Variants in RTN4 observed in about 807,000 individuals in gnomAD.
RTN4 encodes the protein reticulon-4.
In RTN4, 32 loss-of-function variants were observed where a neutral mutation model predicts 90.4. The observed-to-expected ratio is 0.35, with a 90% CI of 0.27 to 0.48. RTN4 has a LOEUF of 0.48. Ranked by LOEUF, RTN4 falls within the 20% of genes least tolerant of loss-of-function variation. The pLI, the probability that RTN4 is intolerant of heterozygous loss-of-function variation, is 0.99. For missense variants in RTN4, 1,706 were observed against 1,430.2 expected (o/e 1.19, Z -3.11); for synonymous variants, 629 against 552.5 (o/e 1.14, Z -1.94).
In RTN4 at chr2:55,025,722, G is replaced by T; in HGVS notation, c.2377C>A (p.Pro793Thr). ...ENKEKLSALP[P>T]EGGKPYLESF... ...TCCAAATATGGCTTTCCTCCCTCAG[G>T]TGGCAAAGCACTGAGTTTTTCCTTA... Residue 793 changes from proline to threonine, a missense_variant, in exon 3 of 9, where the codon CCT (proline) becomes ACT (threonine). Coordinates refer to ENST00000337526, the MANE Select transcript of RTN4 (RefSeq NM_020532.5). The T allele has an allele frequency of 6.2e-7, 1 of 1,613,708 alleles. No individual in the cohort carries two copies. Among genetic ancestry groups the T allele is most frequent in the Non-Finnish European group, 8.5e-7 (1 of 1,179,810 alleles).
rs761099606 is a variant in RTN4 at position 55,025,268 on chromosome 2, G to A, written c.2831C>T (p.Ala944Val). ...AGGCAATAAGAGCACCTTTGATGTAGCAGACCCATTTTTAGAAAAGTCATC... is the reference window on the plus strand; with the variant it reads ...AGGCAATAAGAGCACCTTTGATGTAACAGACCCATTTTTAGAAAAGTCATC... Reference protein sequence around the residue: ...FSDDFSKNGSATSKVLLLPPD... With the variant: ...FSDDFSKNGSVTSKVLLLPPD... Residue 944 changes from alanine (A) to valine (V), a missense_variant, in exon 3 of 9, where the codon GCT becomes GTT. Physicochemically the swap from Ala to Val is moderately conservative, Grantham distance 64. Coordinates refer to ENST00000337526, the MANE Select transcript of RTN4 (RefSeq NM_020532.5). 8.1e-6 allele frequency: 13 copies of A among 1,613,890 alleles called. No homozygotes were observed. The highest frequency in any genetic ancestry group is 4.5e-5 in the East Asian group (2 of 44,874).
At chr2:55,031,279 C>A (rs1243845232) in intron 1 of RTN4, among the ~76,000 whole-genome samples, 1 of 152,166 alleles carries the variant, frequency 6.6e-6, no homozygotes, top group African/African-American at 2.4e-5. Flanking sequence ...GGGAAACCTG[C>A]AAGATGACTA....
At chr2:55,127,830 G>A in the RTN4 span, among the ~76,000 whole-genome samples, 1 of 152,030 alleles carries the variant, frequency 6.6e-6, no homozygotes, top group Non-Finnish European at 1.5e-5. Flanking sequence ...CTAGCATGGT[G>A]CATTACAAAT....
At chr2:55,035,119 C>G (rs1223677915) in intron 1 of RTN4, among the ~76,000 whole-genome samples, 3 of 152,112 alleles carry the variant, frequency 2.0e-5, no homozygotes, top group African/African-American at 7.2e-5. Context: ...AAAACAAAGA[C>G]ACACAACCAC....
chr2:55,124,505 C>T, the RTN4 span, among the ~76,000 whole-genome samples: 13 of 152,160 alleles, frequency 8.5e-5, no homozygotes, highest in African/African-American at 2.9e-4. Flanking sequence ...TACAGCTAAC[C>T]AGGGAGGTGA....
At chr2:55,020,524 T>C (rs1194183831) in intron 3 of RTN4, among the ~76,000 whole-genome samples, 3 of 152,116 alleles carry the variant, frequency 2.0e-5, no homozygotes, top group Admixed American at 1.3e-4. Flanking sequence ...ATAGTAAGAA[T>C]ATAGTTTGTC....
At chr2:55,114,884 A>T (rs569250631), upstream of RTN4, among the ~76,000 whole-genome samples, 13 of 152,056 alleles carry the variant, frequency 8.5e-5, no homozygotes, top group Non-Finnish European at 1.5e-4. Context: ...TCCCAGGTTC[A>T]CTAGAGGGTG....
Position 54,973,664 on chromosome 2 carries a change from T to A in RTN4, c.3478-43A>T, listed in dbSNP as rs2255112. On this transcript the variant is annotated intron_variant, in intron 7 of 8. Transcript: ENST00000337526. ...AGGAATTATTACCGTTGCTAAAGAA[T>A]CTTATTAACCACTACTATGTGTCAA... 1.1e-5 allele frequency: 17 copies of A among 1,543,878 alleles called. No individual in the cohort carries two copies. The South Asian group carries it at 1.8e-4, about 16-fold the overall frequency.
intron 1 of RTN4, among the ~76,000 whole-genome samples, chr2:55,103,155 A>G (rs552677153): frequency 3.9e-5 from 6 of 152,016 alleles, no homozygotes; most frequent in Non-Finnish European, 7.3e-5. Flanking sequence ...TTTATAAAAC[A>G]TTTAAAGAAA....
At chr2:55,035,637 T>C (rs1682624422) in intron 1 of RTN4, among the ~76,000 whole-genome samples, 1 of 148,638 alleles carries the variant, frequency 6.7e-6, no homozygotes, top group African/African-American at 2.5e-5. Context: ...AAAAAAAAAA[T>C]CAATGAAACA....
At chr2:55,118,974 G>T in the RTN4 span, among the ~76,000 whole-genome samples, 2 of 152,232 alleles carry the variant, frequency 1.3e-5, no homozygotes, top group Non-Finnish European at 2.9e-5. Context: ...TGAGGTGCTA[G>T]TGAGGCTGAT....
intron 1 of RTN4, among the ~76,000 whole-genome samples, chr2:55,038,119 T>C (rs1251109706): frequency 6.6e-6 from 1 of 152,068 alleles, no homozygotes; most frequent in Non-Finnish European, 1.5e-5. Flanking sequence ...TGGTAACTCA[T>C]ACCATAGACA....
chr2:55,014,159 A>C (rs73936806), intron 3 of RTN4, among the ~76,000 whole-genome samples: 2,645 of 152,256 alleles, frequency 0.017, 73 homozygotes, highest in African/African-American at 0.061. Flanking sequence ...ACAGCACTTC[A>C]ACATTACTGA....
At chr2:55,084,107 A>C (rs1668791356) in intron 1 of RTN4, among the ~76,000 whole-genome samples, 1 of 152,110 alleles carries the variant, frequency 6.6e-6, no homozygotes, top group Non-Finnish European at 1.5e-5. Flanking sequence ...ACTGCATTTG[A>C]GTTAATTGTT....
intron 3 of RTN4, among the ~76,000 whole-genome samples, chr2:55,000,771 T>A (rs908439668): frequency 6.6e-6 from 1 of 152,264 alleles, no homozygotes. Context: ...AATACTCAAG[T>A]TTCTTTTTAT....
At chr2:54,986,724 G>A (rs575156569) in intron 4 of RTN4, among the ~76,000 whole-genome samples, 4 of 152,270 alleles carry the variant, frequency 2.6e-5, no homozygotes, top group East Asian at 1.9e-4. Flanking sequence ...AGTCGTTGTC[G>A]GGCGTTGGTT....
At chr2:54,993,074 G>GA (rs1491430691) in intron 3 of RTN4, among the ~76,000 whole-genome samples, 11,890 of 78,698 alleles carry the variant, frequency 0.15, 1,010 homozygotes, top group African/African-American at 0.24. Context: ...ACTCCATCTC[G>GA]GAAAAAAAAA....
At chr2:54,974,873 T>C in intron 5 of RTN4, 109 bp from the exon 6 acceptor site, 1 of 823,140 alleles carries the variant, frequency 1.2e-6, no homozygotes, top group Non-Finnish European at 2.0e-6. Flanking sequence ...GGCATACAAC[T>C]TGAAGACTGG....
intron 2 of RTN4, among the ~76,000 whole-genome samples, chr2:55,062,137 G>T (rs941418590): frequency 2.7e-5 from 4 of 149,820 alleles, no homozygotes; most frequent in African/African-American, 7.4e-5. Context: ...CAAGCAGCCC[G>T]ACTTCCAGCG....
Sources: gnomAD v4.1 joint callset for allele counts (sites outside exome capture counted in the v4.1 genomes callset) on GRCh38, gnomAD v4.1.1 for gene constraint, MANE v1.5 for transcripts, NCBI Gene and HGNC (gene_info 2026-07-23, HGNC 2026-07-21) for gene names.